The following LINGO2 variants were observed in gnomAD, a reference collection of about 807,000 sequenced individuals.
LINGO2 encodes the protein leucine-rich repeat and immunoglobulin-like domain-containing nogo receptor-interacting protein 2.
A neutral mutation model predicts 30.6 loss-of-function variants in LINGO2; 14 were observed. The observed-to-expected ratio is 0.46, with a 90% CI of 0.30 to 0.72. The LOEUF (loss-of-function observed/expected upper bound fraction) is 0.72. Among genes scored for constraint, LINGO2 ranks in the 30% least tolerant of loss-of-function variants. LINGO2 has a pLI of 0.07. For synonymous variants in LINGO2, 317 were observed against 288.5 expected, an observed-to-expected ratio of 1.10 and a Z score of -1.00; for missense variants, 729 against 751.7, an observed-to-expected ratio of 0.97 and a Z score of 0.35.
the LINGO2 span, among the ~76,000 whole-genome samples, chr9:28,714,326 T>C: frequency 6.6e-6 from 1 of 151,660 alleles, no homozygotes. Flanking sequence ...GTAGCAAAAA[T>C]ACCAGCAGGA....
chr9:29,052,584 T>C, the LINGO2 span, among the ~76,000 whole-genome samples: 1 of 152,206 alleles, frequency 6.6e-6, no homozygotes, highest in Non-Finnish European at 1.5e-5. Context: ...AAATGTACTG[T>C]GTCTTTTATT....
intron 1 of LINGO2, among the ~76,000 whole-genome samples, chr9:28,589,056 A>T (rs1453049564): frequency 6.6e-6 from 1 of 152,174 alleles, no homozygotes; most frequent in Non-Finnish European, 1.5e-5. Context: ...AAACCACATG[A>T]TTATCTCAAC....
At chr9:29,171,432 A>C in the LINGO2 span, among the ~76,000 whole-genome samples, 9 of 151,972 alleles carry the variant, frequency 5.9e-5, no homozygotes, top group African/African-American at 2.2e-4. Flanking sequence ...CCGTATAGCC[A>C]CTAGTTTATT....
At chr9:28,117,831 A>T (rs183230866) in intron 4 of LINGO2, among the ~76,000 whole-genome samples, 169 of 151,902 alleles carry the variant, frequency 1.1e-3, no homozygotes, top group Non-Finnish European at 1.9e-3. Flanking sequence ...AGTGAGATGA[A>T]CCCGGTACCT....
At chr9:27,960,984 C>T (rs556005396) in intron 5 of LINGO2, among the ~76,000 whole-genome samples, 117 of 152,000 alleles carry the variant, frequency 7.7e-4, no homozygotes, top group African/African-American at 2.7e-3. Flanking sequence ...TTATAATGGT[C>T]GATTTATAAT....
chr9:28,491,830 C>T (rs368455140), intron 1 of LINGO2, among the ~76,000 whole-genome samples: 15 of 152,186 alleles, frequency 9.9e-5, no homozygotes, highest in African/African-American at 3.6e-4. Flanking sequence ...AATATAATAA[C>T]ATGAGAATGC....
rs1371334587 is a variant in LINGO2, at chr9:28,349,099, C to G, written c.-246+23737G>C. 3.3e-5 allele frequency among the ~76,000 whole-genome samples: 5 copies of G among 152,166 alleles called. No individual in the cohort carries two copies. The East Asian group carries it at 9.6e-4, about 29-fold the overall frequency. On this transcript the variant is annotated intron_variant, in intron 3 of 5. Transcript: ENST00000379992. ...CTCTAAAAAGCAGAGCGCCTCTCCT[C>G]CTCCAAAGGAATGCAGTTCCTCACT...
At chr9:29,185,835 A>G in the LINGO2 span, among the ~76,000 whole-genome samples, 8 of 152,184 alleles carry the variant, frequency 5.3e-5, no homozygotes, top group Non-Finnish European at 1.2e-4. Flanking sequence ...TATATCTTCA[A>G]ATAGGTCTAC....
chr9:28,041,189 A>G (rs760175866), intron 4 of LINGO2, among the ~76,000 whole-genome samples: 5 of 152,188 alleles, frequency 3.3e-5, no homozygotes, highest in Non-Finnish European at 5.9e-5. Context: ...TATTCTGTCT[A>G]TTGCACCTCA....
At chr9:28,438,004 G>A (rs907097794) in intron 2 of LINGO2, among the ~76,000 whole-genome samples, 1 of 152,166 alleles carries the variant, frequency 6.6e-6, no homozygotes, top group African/African-American at 2.4e-5. Context: ...TTAAGAATAT[G>A]GGGGAAGTTG....
intron 1 of LINGO2, among the ~76,000 whole-genome samples, chr9:28,557,926 CAT>C (rs1472593760): frequency 6.9e-6 from 1 of 144,452 alleles, no homozygotes; most frequent in Non-Finnish European, 1.5e-5. Flanking sequence ...TATTCTCACT[CAT>C]ATGTGGGAAT....
chr9:28,158,446 G>A lies in LINGO2; in HGVS notation c.-87+136762C>T, dbSNP rs539836045. ...ACTAAAGGAAGGTCAGAGAAAGGTG[G>A]GCTCTTAAAGTTGGTTGGGGAGTTT... On this transcript the variant is annotated intron_variant, in intron 4 of 5. Coordinates refer to ENST00000379992, the Ensembl canonical transcript of LINGO2. Among the ~76,000 whole-genome samples the A allele has an allele frequency of 4.6e-5, 7 of 152,252 alleles. No homozygotes were observed. In the South Asian group the frequency reaches 1.5e-3, roughly 32 times the overall value.
intron 1 of LINGO2, among the ~76,000 whole-genome samples, chr9:28,558,122 T>C (rs1397207999): frequency 6.6e-6 from 1 of 150,588 alleles, no homozygotes; most frequent in Non-Finnish European, 1.5e-5. Flanking sequence ...AATGTGCACA[T>C]GTACCCTAAA....
chr9:28,833,455 C>A, the LINGO2 span, among the ~76,000 whole-genome samples: 1 of 152,130 alleles, frequency 6.6e-6, no homozygotes, highest in African/African-American at 2.4e-5. Flanking sequence ...CCTTGCTAGT[C>A]ATCTTTAGCA....
At chr9:28,283,393 TA>T (rs1823395015) in intron 4 of LINGO2, among the ~76,000 whole-genome samples, 1 of 152,072 alleles carries the variant, frequency 6.6e-6, no homozygotes, top group Non-Finnish European at 1.5e-5. Flanking sequence ...GGGGCTTCCA[TA>T]AAAAGAAATA....
chr9:28,574,193 A>G (rs943449240), intron 1 of LINGO2, among the ~76,000 whole-genome samples: 8 of 152,200 alleles, frequency 5.3e-5, no homozygotes, highest in African/African-American at 1.9e-4. Flanking sequence ...ACTGAAAAAT[A>G]GTTACTAAGA....
At chr9:28,699,773 G>C in the LINGO2 span, among the ~76,000 whole-genome samples, 6 of 151,884 alleles carry the variant, frequency 4.0e-5, no homozygotes, top group Admixed American at 1.3e-4. Context: ...TCTATAAATG[G>C]CTGCTCTGGG....
the LINGO2 span, among the ~76,000 whole-genome samples, chr9:28,687,990 A>G: frequency 1.3e-5 from 2 of 152,192 alleles, no homozygotes; most frequent in Non-Finnish European, 2.9e-5. Flanking sequence ...CAGAGAAAAA[A>G]AGTAAACAGT....
At chr9:28,391,501 A>T (rs990818550) in intron 2 of LINGO2, among the ~76,000 whole-genome samples, 8 of 152,156 alleles carry the variant, frequency 5.3e-5, no homozygotes, top group Non-Finnish European at 1.2e-4. Context: ...GTTATGATTT[A>T]TCATTTCCTT....
Sources: gnomAD v4.1 joint callset for allele counts (sites outside exome capture counted in the v4.1 genomes callset) on GRCh38, gnomAD v4.1.1 for gene constraint, MANE v1.5 for transcripts, NCBI Gene and HGNC (gene_info 2026-07-23, HGNC 2026-07-21) for gene names.